The following VPS13A variants were observed in gnomAD, a reference collection of about 807,000 sequenced individuals.
The protein encoded by VPS13A is vacuolar protein sorting 13 homolog A.
In VPS13A, 264 loss-of-function variants were observed where a neutral mutation model predicts 390.9. The ratio of observed to expected loss-of-function variants is 0.68; its 90% CI spans 0.61 to 0.75. VPS13A has a LOEUF of 0.75. VPS13A is among the 30% of genes least tolerant of loss of function. The pLI is 0.00. For synonymous variants in VPS13A, 1,231 were observed against 1,227.1 expected, an observed-to-expected ratio of 1.00 and a Z score of -0.07; for missense variants, 3,409 against 3,733.9, an observed-to-expected ratio of 0.91 and a Z score of 2.27.
At chr9:77,358,106 C>G (rs1307520692) in intron 56 of VPS13A, among the ~76,000 whole-genome samples, 1 of 151,716 alleles carries the variant, frequency 6.6e-6, no homozygotes, top group African/African-American at 2.4e-5. Context: ...CAGGTGCCCA[C>G]CACCATGGCC....
At chr9:77,400,933 GAGA>G (rs1834362887) in intron 68 of VPS13A, among the ~76,000 whole-genome samples, 1 of 151,996 alleles carries the variant, frequency 6.6e-6, no homozygotes, top group African/African-American at 2.4e-5. Context: ...GGTATATAGA[GAGA>G]AGGATACAGC....
chr9:77,198,400 T>C (rs1224887801), intron 1 of VPS13A, among the ~76,000 whole-genome samples: 5 of 152,220 alleles, frequency 3.3e-5, no homozygotes, highest in Non-Finnish European at 5.9e-5. Flanking sequence ...CCATGTACCA[T>C]GTGGTCTATA....
chr9:77,190,295 T>TA (rs553499002), intron 1 of VPS13A, among the ~76,000 whole-genome samples: 136 of 152,364 alleles, frequency 8.9e-4, no homozygotes, highest in Non-Finnish European at 1.6e-3. Flanking sequence ...TGAGGGTTTT[T>TA]AACATGAAGG....
intron 9 of VPS13A, among the ~76,000 whole-genome samples, chr9:77,213,949 C>T (rs890191651): frequency 6.6e-6 from 1 of 151,962 alleles, no homozygotes; most frequent in Admixed American, 6.6e-5. Flanking sequence ...TTTTCTTTTG[C>T]AGATAATAGG....
intron 23 of VPS13A, among the ~76,000 whole-genome samples, chr9:77,267,283 T>C (rs1449060312): frequency 6.6e-6 from 1 of 152,190 alleles, no homozygotes; most frequent in Non-Finnish European, 1.5e-5. Context: ...CACTGGTTTT[T>C]CCCTAATCTT....
intron 26 of VPS13A, among the ~76,000 whole-genome samples, chr9:77,277,430 A>G (rs1482500305): frequency 1.3e-5 from 2 of 152,168 alleles, no homozygotes; most frequent in African/African-American, 2.4e-5. Flanking sequence ...ACACTGACAC[A>G]TCGTAATTAC....
chr9:77,334,296 T>C (rs551650552), intron 46 of VPS13A, among the ~76,000 whole-genome samples: 1 of 152,198 alleles, frequency 6.6e-6, no homozygotes, highest in African/African-American at 2.4e-5. Flanking sequence ...ATAAATTTTA[T>C]CTCCATCTAT....
chr9:77,220,032 A>G lies in VPS13A; in HGVS notation c.833A>G (p.Asn278Ser), dbSNP rs1823101020. Reference sequence around the variant, plus strand: ...TTTGACTTTTCTGCCCCCAAAATAAACTTGGAAATTGAGTTACATAACATA... The same window carrying G: ...TTTGACTTTTCTGCCCCCAAAATAAGCTTGGAAATTGAGTTACATAACATA... ...SDFDFSAPKI[N>S]LEIELHNIAI... The change falls in exon 11 of 72, where the codon AAC becomes AGC. Residue 278 changes from asparagine to serine, a missense_variant. Asn to Ser is a conservative substitution (Grantham distance 46). This residue lies in a region of VPS13A where 2,717 missense variants were observed against 2,917.4 expected (regional missense o/e 0.93). Transcript: ENST00000360280. The G allele has an allele frequency of 1.2e-6, 2 of 1,612,948 alleles. No individual in the cohort carries two copies. Among genetic ancestry groups the G allele is most frequent in the Admixed American group, 1.7e-5 (1 of 59,946 alleles).
At chr9:77,397,847 A>G (rs572235624) in intron 68 of VPS13A, among the ~76,000 whole-genome samples, 101 of 152,274 alleles carry the variant, frequency 6.6e-4, no homozygotes, top group Admixed American at 1.2e-3. Context: ...TGTTTCTTTT[A>G]GTAATTCTTA....
chr9:77,181,227 A>G (rs1457520370), intron 1 of VPS13A, among the ~76,000 whole-genome samples: 1 of 152,134 alleles, frequency 6.6e-6, no homozygotes, highest in Non-Finnish European at 1.5e-5. Flanking sequence ...AAATTTCTGT[A>G]ATAGAAACTA....
At chr9:77,228,854 G>A (rs1426059010) in intron 17 of VPS13A, among the ~76,000 whole-genome samples, 4 of 152,196 alleles carry the variant, frequency 2.6e-5, no homozygotes, top group African/African-American at 7.2e-5. Flanking sequence ...AGAAAATGAG[G>A]AAGATACAAA....
Position 77,275,751 on chromosome 9 carries a change from C to A in VPS13A, c.2667+99C>A, listed in dbSNP as rs1401931314. On this transcript the variant is annotated intron_variant, in intron 25 of 71. Coordinates refer to ENST00000360280, the MANE Select transcript of VPS13A (RefSeq NM_033305.3). ...CATTGTTAAGAAGCACTATCTTTTTCACCCTAATTAAAGTAATTCCAGACT... is the reference window on the plus strand; with the variant it reads ...CATTGTTAAGAAGCACTATCTTTTTAACCCTAATTAAAGTAATTCCAGACT... The A allele has an allele frequency of 2.2e-6, 3 of 1,360,082 alleles. No homozygotes were observed. The African/African-American group carries it at 4.3e-5, about 20-fold the overall frequency. 84.3% of individuals were successfully genotyped at this position (1,360,082 alleles called of 1,614,324 possible).
intron 71 of VPS13A, among the ~76,000 whole-genome samples, chr9:77,409,049 T>G (rs573630475): frequency 1.3e-5 from 2 of 152,258 alleles, no homozygotes; most frequent in African/African-American, 4.8e-5. Context: ...ACCCCCCAAG[T>G]AGGGGCAGAC....
intron 68 of VPS13A, chr9:77,384,450 T>G (rs1833595336): frequency 8.2e-7 from 1 of 1,226,964 alleles, no homozygotes; most frequent in African/African-American, 1.5e-5. Flanking sequence ...ATAATTACAG[T>G]CTGAGTCATA....
chr9:77,337,154 A>G (rs1830583123), intron 46 of VPS13A, 101 bp from the exon 47 acceptor site: 2 of 1,157,214 alleles, frequency 1.7e-6, no homozygotes, highest in African/African-American at 3.1e-5. Context: ...GTACTACAAT[A>G]TTATGAAAGG....
Position 77,213,262 on chromosome 9 carries a change from A to C in VPS13A, c.644A>C (p.Tyr215Ser). 6.2e-7 allele frequency: 1 copy of C among 1,613,734 alleles called. No homozygotes were observed. The highest frequency in any genetic ancestry group is 8.5e-7 in the Non-Finnish European group (1 of 1,179,842). The stretch of plus-strand genomic sequence containing the variant: ...ATCCGATTGGATAACCTGTTTGCCT[A>C]TTGGAATGTGAAGTCTCAGATGTTT... The part of the protein sequence containing the change: ...KLIRLDNLFA[Y>S]WNVKSQMFYL... The change falls in exon 9 of 72, where the codon TAT becomes TCT. Residue 215 changes from tyrosine to serine, a missense_variant. Transcript: ENST00000360280.
rs1825861402 is a variant in VPS13A at position 77,209,627 on chromosome 9, A to G, written c.495+95A>G. 1.0e-5 allele frequency: 8 copies of G among 774,586 alleles called. No homozygotes were observed. In the South Asian group the frequency reaches 1.3e-4, roughly 13 times the overall value. The allele number at this position is 774,586 out of a possible 1,614,324, so 48.0% of individuals were successfully genotyped here. On this transcript the variant is annotated intron_variant, in intron 6 of 71. Coordinates refer to ENST00000360280, the MANE Select transcript of VPS13A (RefSeq NM_033305.3). The stretch of plus-strand genomic sequence containing the variant: ...TACTTTTTAATGGCCAATCTGTTAA[A>G]TCCCAAAAGGTTACAGAGCTAAAGA...
chr9:77,414,743 T>TAATA (rs1835099026), intron 71 of VPS13A, among the ~76,000 whole-genome samples: 1 of 103,630 alleles, frequency 9.6e-6, no homozygotes, highest in African/African-American at 4.4e-5. Flanking sequence ...GTATAATTAA[T>TAATA]AATAATAATA....
In VPS13A at chr9:77,419,718, A is replaced by G. The variant is rs1835287075; in HGVS notation, c.*3712A>G. ...AAAGGCCATAGTCTTTTGTTTACCT[A>G]GATGTATTTTAACCTCTTTACCACT... On this transcript the variant is annotated 3_prime_UTR_variant, in exon 72 of 72. Coordinates refer to ENST00000360280, the MANE Select transcript of VPS13A (RefSeq NM_033305.3). 1 of 152,226 alleles carries G rather than the reference A, an allele frequency of 6.6e-6. No individual in the cohort carries two copies. Among genetic ancestry groups the G allele is most frequent in the African/African-American group, 2.4e-5 (1 of 41,456 alleles). The allele number at this position is 152,226 out of a possible 1,614,324, so 9.4% of individuals were successfully genotyped here.
Sources: gnomAD v4.1 joint callset for allele counts (sites outside exome capture counted in the v4.1 genomes callset) on GRCh38, gnomAD v4.1.1 for gene constraint, gnomAD v4.1.1 regional missense constraint, MANE v1.5 for transcripts, NCBI Gene and HGNC (gene_info 2026-07-23, HGNC 2026-07-21) for gene names.